The following DAG1 variants were observed in gnomAD, a reference collection of about 807,000 sequenced individuals.
DAG1 encodes the protein dystroglycan 1.
Under a neutral mutation model 46.1 loss-of-function variants are expected in DAG1, and 8 were observed. The ratio of observed to expected loss-of-function variants is 0.17; its 90% confidence interval spans 0.10 to 0.31. The LOEUF (loss-of-function observed/expected upper bound fraction) is 0.31. DAG1 is among the 10% of genes least tolerant of loss of function. The pLI is 1.00. For missense variants in DAG1, 1,003 were observed against 1,189.9 expected, an observed-to-expected ratio of 0.84 and a Z score of 2.31; for synonymous variants, 495 against 481.8, an observed-to-expected ratio of 1.03 and a Z score of -0.36.
At chr3:49,504,171 C>A (rs890140535) in intron 1 of DAG1, among the ~76,000 whole-genome samples, 2 of 152,148 alleles carry the variant, frequency 1.3e-5, no homozygotes, top group African/African-American at 2.4e-5. Context: ...TAACTTCTGG[C>A]ACCCACTAAT....
chr3:49,516,136 C>G (rs2050890513), intron 2 of DAG1, among the ~76,000 whole-genome samples: 1 of 152,314 alleles, frequency 6.6e-6, no homozygotes, highest in African/African-American at 2.4e-5. Flanking sequence ...TCTGTTGGAG[C>G]CCTTTCCTTC....
chr3:49,481,862 G>A (rs903653992), intron 1 of DAG1, among the ~76,000 whole-genome samples: 3 of 152,072 alleles, frequency 2.0e-5, no homozygotes, highest in African/African-American at 7.2e-5. Flanking sequence ...CTCCTAATCG[G>A]TACACAGTTT....
At chr3:49,519,540 C>T (rs546891791) in intron 2 of DAG1, among the ~76,000 whole-genome samples, 17 of 152,214 alleles carry the variant, frequency 1.1e-4, no homozygotes, top group East Asian at 5.8e-4. Flanking sequence ...GTGGCAGCCC[C>T]GCCTGTGTGA....
At chr3:49,492,760 C>T (rs1057449473) in intron 1 of DAG1, 1 of 152,002 alleles carries the variant, frequency 6.6e-6, no homozygotes, top group African/African-American at 2.4e-5. Context: ...AGTAGCAGCT[C>T]CAAGGTACTT....
chr3:49,477,225 G>A (rs1219317765), intron 1 of DAG1, among the ~76,000 whole-genome samples: 1 of 152,050 alleles, frequency 6.6e-6, no homozygotes, highest in Non-Finnish European at 1.5e-5. Context: ...TCGAACTCCC[G>A]ACGTCAGGTG....
rs183478837 is a variant in DAG1, at chr3:49,513,636, C to T, written c.285+2817C>T. ...CCTGTTGGTCACCTTCTTTTTAAGC[C>T]GTGGCTTGTTCTCAGAGTGACCTTG... On this transcript the variant is annotated intron_variant, in intron 2 of 2. Transcript: ENST00000308775. Among the ~76,000 whole-genome samples the T allele has an allele frequency of 2.8e-3, 420 of 152,232 alleles. 3 individuals are homozygous for T. The highest frequency in any genetic ancestry group is 9.3e-3 in the African/African-American group (388 of 41,532).
intron 2 of DAG1, among the ~76,000 whole-genome samples, 172 bp from the exon 3 acceptor site, chr3:49,530,625 T>TGTCTCTCTAGGG: frequency 6.6e-6 from 1 of 152,182 alleles, no homozygotes; most frequent in Admixed American, 6.5e-5. Context: ...CCTAGTCTTG[T>TGTCTCTCTAGGG]GACAGGTAAA....
intron 1 of DAG1, among the ~76,000 whole-genome samples, chr3:49,508,979 C>A (rs1288146905): frequency 6.6e-6 from 1 of 152,102 alleles, no homozygotes; most frequent in African/African-American, 2.4e-5. Context: ...CTTCAAAATA[C>A]AATTCATAAG....
intron 1 of DAG1, among the ~76,000 whole-genome samples, chr3:49,484,386 C>T (rs545693768): frequency 1.2e-4 from 18 of 152,146 alleles, no homozygotes; most frequent in African/African-American, 4.1e-4. Context: ...CTCTTCAGAG[C>T]CCTGAGCCTT....
intron 2 of DAG1, among the ~76,000 whole-genome samples, chr3:49,525,119 G>A (rs1305168262): frequency 1.3e-5 from 2 of 152,092 alleles, no homozygotes; most frequent in African/African-American, 4.8e-5. Flanking sequence ...GATGTCACCA[G>A]TACCAAGACT....
intron 1 of DAG1, among the ~76,000 whole-genome samples, chr3:49,493,146 G>A (rs2050232169): frequency 7.3e-6 from 1 of 136,448 alleles, no homozygotes; most frequent in Non-Finnish European, 1.5e-5. Flanking sequence ...CCAGGCTCAA[G>A]CGATCCTCCC....
intron 1 of DAG1, among the ~76,000 whole-genome samples, chr3:49,475,365 A>G (rs936919142): frequency 2.0e-5 from 3 of 151,280 alleles, no homozygotes; most frequent in African/African-American, 7.3e-5. Context: ...CGGCCTTCCA[A>G]AGTGCTGGGA....
In DAG1 at chr3:49,485,265, G is replaced by A. The variant is rs531955181; in HGVS notation, c.-117+14832G>A. 6.6e-4 allele frequency among the ~76,000 whole-genome samples: 100 copies of A among 150,830 alleles called. 1 individual carries two copies. The highest frequency in any genetic ancestry group is 2.1e-3 in the African/African-American group (85 of 41,100). ...GCTGGGATTACAGGCGTGAGCCACC[G>A]CACCCGGCCAAGGACGGAGTGTTGT... On this transcript the variant is annotated intron_variant, in intron 1 of 2. Transcript: ENST00000308775.
intron 1 of DAG1, chr3:49,493,084 A>T (rs2050230252): frequency 8.8e-6 from 1 of 113,558 alleles, no homozygotes; most frequent in Admixed American, 1.4e-4. Context: ...TTGCTCAGTC[A>T]CCCAGGCGGG....
chr3:49,497,078 T>C (rs890412003), intron 1 of DAG1, among the ~76,000 whole-genome samples: 1 of 151,852 alleles, frequency 6.6e-6, no homozygotes, highest in African/African-American at 2.4e-5. Flanking sequence ...GGCAGGAGGA[T>C]TGTTTGAACC....
At position 49,484,922 on chromosome 3, in the gene DAG1, G is replaced by A. The variant is rs548406953; in HGVS notation, c.-117+14489G>A. 1.4e-4 allele frequency among the ~76,000 whole-genome samples: 21 copies of A among 151,930 alleles called. No individual in the cohort carries two copies. The South Asian group carries it at 3.5e-3, about 26-fold the overall frequency. Reference sequence around the variant, plus strand: ...AGCAATTCTCCTGCCTCAGCCTCCCGAGTAGCTGGGATTACAGATGCGCGC... The same window carrying A: ...AGCAATTCTCCTGCCTCAGCCTCCCAAGTAGCTGGGATTACAGATGCGCGC... On this transcript the variant is annotated intron_variant, in intron 1 of 2. Transcript: ENST00000308775.
intron 2 of DAG1, among the ~76,000 whole-genome samples, chr3:49,528,275 ATTTTTTTTT>A (rs147292984): frequency 1.8e-4 from 12 of 66,628 alleles, no homozygotes; most frequent in South Asian, 6.5e-4. Context: ...AAATAGTGTG[ATTTTTTTTT>A]TTTTTTTTTT....
At chr3:49,505,956 C>G (rs2050594975) in intron 1 of DAG1, among the ~76,000 whole-genome samples, 1 of 150,994 alleles carries the variant, frequency 6.6e-6, no homozygotes, top group African/African-American at 2.4e-5. Context: ...AGGCGTGAGC[C>G]ACCACGCCCG....
rs148703095 is a variant in DAG1, at chr3:49,510,747, G to T, written c.213G>T (p.Thr71=). The T allele has an allele frequency of 2.5e-6, 4 of 1,614,076 alleles. No individual in the cohort carries two copies. Among genetic ancestry groups the T allele is most frequent in the Admixed American group, 1.7e-5 (1 of 60,004 alleles). The stretch of plus-strand genomic sequence containing the variant: ...CAGTGGTTGGCATTCCTGATGGCAC[G>T]GCTGTCGTCGGGCGCTCATTTCGAG... ...VPTVVGIPDG[T]AVVGRSFRVT... Residue 71 remains threonine (T), a synonymous_variant, in exon 2 of 3, where the codon ACG becomes ACT. Coordinates refer to ENST00000308775, the MANE Select transcript of DAG1 (RefSeq NM_004393.6).
Sources: gnomAD v4.1 joint callset for allele counts (sites outside exome capture counted in the v4.1 genomes callset) on GRCh38, gnomAD v4.1.1 for gene constraint, MANE v1.5 for transcripts, NCBI Gene and HGNC (gene_info 2026-07-23, HGNC 2026-07-21) for gene names.